HS2ST1: variants seen among roughly 807,000 people sequenced by gnomAD.
The protein encoded by HS2ST1 is 2-O-sulfotransferase.
A neutral mutation model predicts 42.9 loss-of-function variants in HS2ST1; 18 were observed. That is an observed-to-expected ratio of 0.42 (90% confidence interval 0.29 to 0.62). The LOEUF (loss-of-function observed/expected upper bound fraction) is 0.62. HS2ST1 is among the 20% of genes least tolerant of loss of function. The probability of loss-of-function intolerance (pLI) is 0.21; values close to 1 mark genes in which losing one functional copy is unlikely to be tolerated. For synonymous variants in HS2ST1, 146 were observed against 152.9 expected, an observed-to-expected ratio of 0.95 and a Z score of 0.33; for missense variants, 334 against 433.8, an observed-to-expected ratio of 0.77 and a Z score of 2.04.
At chr1:86,930,354 T>A (rs567555418) in intron 1 of HS2ST1, among the ~76,000 whole-genome samples, 1 of 151,954 alleles carries the variant, frequency 6.6e-6, no homozygotes. Flanking sequence ...TTTAAAACTT[T>A]AAAAAATTCA....
intron 1 of HS2ST1, among the ~76,000 whole-genome samples, chr1:86,953,099 T>A (rs1647572035): frequency 6.6e-6 from 1 of 152,236 alleles, no homozygotes; most frequent in African/African-American, 2.4e-5. Flanking sequence ...GCATCTGCAC[T>A]TGTTGCTTTA....
intron 1 of HS2ST1, among the ~76,000 whole-genome samples, chr1:87,003,808 T>TA (rs1553136685): frequency 1.3e-5 from 2 of 152,160 alleles, no homozygotes; most frequent in Admixed American, 6.5e-5. Flanking sequence ...CTAGAGATGA[T>TA]ATAAGTATAC....
intron 1 of HS2ST1, among the ~76,000 whole-genome samples, chr1:86,962,524 G>C (rs1375973500): frequency 1.3e-5 from 2 of 152,204 alleles, no homozygotes; most frequent in Non-Finnish European, 2.9e-5. Flanking sequence ...GTAGAATCGA[G>C]CCTCCCCTTG....
chr1:86,948,207 A>G (rs1647393457), intron 1 of HS2ST1, among the ~76,000 whole-genome samples: 1 of 152,148 alleles, frequency 6.6e-6, no homozygotes, highest in South Asian at 2.1e-4. Context: ...TTTTAGGTTT[A>G]GAATGCTACA....
At chr1:86,915,595 C>G (rs1242806935) in intron 1 of HS2ST1, among the ~76,000 whole-genome samples, 2 of 152,134 alleles carry the variant, frequency 1.3e-5, no homozygotes, top group Non-Finnish European at 2.9e-5. Flanking sequence ...CATCTGGATA[C>G]GAATTCTTTT....
chr1:87,038,702 T>C (rs1650445046), intron 1 of HS2ST1, among the ~76,000 whole-genome samples: 1 of 152,162 alleles, frequency 6.6e-6, no homozygotes, highest in Non-Finnish European at 1.5e-5. Context: ...TGTCCTAATA[T>C]TTGTGTAAAA....
At chr1:87,074,190 C>G (rs1051495605) in intron 2 of HS2ST1, among the ~76,000 whole-genome samples, 3 of 152,128 alleles carry the variant, frequency 2.0e-5, no homozygotes, top group African/African-American at 7.2e-5. Context: ...CTGGAGTACT[C>G]TTTTTTGTAG....
chr1:86,996,256 A>G (rs995647506), intron 1 of HS2ST1, among the ~76,000 whole-genome samples: 1 of 152,130 alleles, frequency 6.6e-6, no homozygotes, highest in Non-Finnish European at 1.5e-5. Context: ...CAGCCTGATC[A>G]ACATGGAAAA....
At chr1:86,927,652 T>C (rs1337106575) in intron 1 of HS2ST1, among the ~76,000 whole-genome samples, 1 of 152,066 alleles carries the variant, frequency 6.6e-6, no homozygotes, top group Non-Finnish European at 1.5e-5. Context: ...ATGATGTCAG[T>C]TGGGAAAGGA....
chr1:86,972,798 A>T (rs917074099), intron 1 of HS2ST1, among the ~76,000 whole-genome samples: 3 of 152,188 alleles, frequency 2.0e-5, no homozygotes, highest in African/African-American at 4.8e-5. Context: ...CCTTATTTGA[A>T]TTCCACGTGT....
chr1:87,025,449 C>T (rs185909972), intron 1 of HS2ST1, among the ~76,000 whole-genome samples: 1 of 152,158 alleles, frequency 6.6e-6, no homozygotes, highest in African/African-American at 2.4e-5. Flanking sequence ...ATGGGAAATA[C>T]AGTTTTCAGA....
intron 1 of HS2ST1, among the ~76,000 whole-genome samples, chr1:87,020,600 G>A (rs1216776798): frequency 6.6e-6 from 1 of 152,148 alleles, no homozygotes; most frequent in Non-Finnish European, 1.5e-5. Context: ...ATGACAGACT[G>A]GATGGCTTAA....
At chr1:87,049,476 A>G (rs1278307489) in intron 1 of HS2ST1, among the ~76,000 whole-genome samples, 1 of 151,932 alleles carries the variant, frequency 6.6e-6, no homozygotes, top group African/African-American at 2.4e-5. Context: ...TTTTTGTTTT[A>G]TTAGGTTCAA....
At chr1:87,062,819 T>G (rs970255243) in intron 1 of HS2ST1, among the ~76,000 whole-genome samples, 8 of 152,194 alleles carry the variant, frequency 5.3e-5, no homozygotes, top group South Asian at 2.1e-4. Flanking sequence ...GATTATTTTA[T>G]TTCAGCACTT....
At chr1:87,000,782 G>T (rs1649258232) in intron 1 of HS2ST1, among the ~76,000 whole-genome samples, 1 of 152,156 alleles carries the variant, frequency 6.6e-6, no homozygotes, top group African/African-American at 2.4e-5. Flanking sequence ...GTAGCACAGT[G>T]GGAACATACA....
intron 1 of HS2ST1, among the ~76,000 whole-genome samples, chr1:86,971,662 C>A (rs1343393): frequency 0.76 from 115,581 of 152,060 alleles, 44,683 homozygotes; most frequent in East Asian, 0.97. Flanking sequence ...AACAGAGTCC[C>A]TTGTAGTGTA....
intron 1 of HS2ST1, among the ~76,000 whole-genome samples, chr1:86,937,510 T>C (rs1476686802): frequency 6.6e-6 from 1 of 152,200 alleles, no homozygotes; most frequent in Non-Finnish European, 1.5e-5. Flanking sequence ...TCACTGTGAC[T>C]TAAGAGTGAG....
Position 87,104,552 on chromosome 1 carries a change from T to C in HS2ST1, c.927T>C (p.Ile309=). 1 of 1,613,426 alleles carries C rather than the reference T, an allele frequency of 6.2e-7. No individual in the cohort carries two copies. The change falls in exon 7 of 7, where the codon ATT becomes ATC. Residue 309 remains isoleucine (I), a synonymous_variant. Coordinates refer to ENST00000370550, the MANE Select transcript of HS2ST1 (RefSeq NM_012262.4). ...QTIAKLQQSD[I]WKMENEFYEF... The stretch of plus-strand genomic sequence containing the variant: ...TTGCAAAACTACAGCAATCTGATAT[T>C]TGGAAAATGGAGAATGAGTTCTATG...
At chr1:86,915,804 G>A (rs935623068) in intron 1 of HS2ST1, among the ~76,000 whole-genome samples, 1 of 152,196 alleles carries the variant, frequency 6.6e-6, no homozygotes, top group African/African-American at 2.4e-5. Flanking sequence ...ATGAGGGTCC[G>A]GAGATTTAAA....
Sources: allele counts gnomAD v4.1 joint callset (sites outside exome capture counted in the v4.1 genomes callset), GRCh38; gene constraint gnomAD v4.1.1; transcripts MANE v1.5; gene names NCBI Gene and HGNC (gene_info 2026-07-23, HGNC 2026-07-21).